The following FUOM variants were observed in gnomAD, a reference collection of about 807,000 sequenced individuals.
FUOM encodes protein fucU homolog.
A neutral mutation model predicts 18.3 loss-of-function variants in FUOM; 19 were observed. That is an observed-to-expected ratio of 1.04 (90% CI 0.73 to 1.53). The LOEUF (loss-of-function observed/expected upper bound fraction) is 1.53, where lower values mean the gene tolerates loss of function less well. FUOM is among the 40% of genes most tolerant of loss of function. The pLI is 0.00. For synonymous variants in FUOM, 102 were observed against 87.9 expected (o/e 1.16, Z -0.90); for missense variants, 210 against 200.9 (o/e 1.04, Z -0.27).
At chr10:133,353,900 A>G (rs564067758), downstream of FUOM, among the ~76,000 whole-genome samples, 1 of 151,318 alleles carries the variant, frequency 6.6e-6, no homozygotes, top group South Asian at 2.1e-4. Flanking sequence ...AGGCAGGTAG[A>G]AGACCCTGGA....
At chr10:133,357,844 G>T in intron 1 of FUOM, 79 bp downstream of exon 1, 1 of 1,264,624 alleles carries the variant, frequency 7.9e-7, no homozygotes, top group African/African-American at 1.6e-5. Flanking sequence ...GGCCCTTCCC[G>T]GCCCGGGGGT....
At chr10:133,357,304 G>A (rs770934074) in intron 1 of FUOM, 49 bp from the exon 2 acceptor site, 10 of 1,535,404 alleles carry the variant, frequency 6.5e-6, no homozygotes, top group South Asian at 1.2e-5. Context: ...CCTGCCCTCG[G>A]GGTCGGCGCC....
chr10:133,354,368 A>C (rs1848729898), downstream of FUOM, among the ~76,000 whole-genome samples: 1 of 152,154 alleles, frequency 6.6e-6, no homozygotes, highest in African/African-American at 2.4e-5. Context: ...GCCACATCTC[A>C]GCCGGGGTGG....
In FUOM at chr10:133,355,166, T is replaced by C. The variant is rs1263914286; in HGVS notation, c.*204A>G. 14 of 617,186 alleles carry C rather than the reference T, an allele frequency of 2.3e-5. No homozygotes were observed. The highest frequency in any genetic ancestry group is 1.8e-4 in the Admixed American group (6 of 33,826). The allele number at this position is 617,186 out of a possible 1,614,324, so 38.2% of individuals were successfully genotyped here. A position where few individuals can be genotyped will look rare whatever the true frequency, so the allele number is the denominator to read the frequency against. ...TGAGAACAGAGCTGGAATTGGACTC[T>C]TGAGACTGAACGTTTTTCCATCATT... On this transcript the variant is annotated 3_prime_UTR_variant, in exon 6 of 6. Transcript: ENST00000278025.
chr10:133,355,857 C>A, intron 4 of FUOM, 46 bp from the exon 5 acceptor site: 1 of 1,512,396 alleles, frequency 6.6e-7, no homozygotes, highest in African/African-American at 1.4e-5. Context: ...GCCAAGAAAC[C>A]CTCATGGGCC....
At position 133,358,016 on chromosome 10, in the gene FUOM, A is replaced by G; in HGVS notation, c.-9T>C. ...CCCTTCAGCGCCACCATGGCCCGGC[A>G]GACGGGGCGGGCGGGGCCTAGGGGC... On this transcript the variant is annotated 5_prime_UTR_variant, in exon 1 of 6. Coordinates refer to ENST00000278025, the MANE Select transcript of FUOM (RefSeq NM_001098483.3). The G allele has an allele frequency of 3.4e-6, 5 of 1,480,890 alleles. No homozygotes were observed. The highest frequency in any genetic ancestry group is 4.5e-6 in the Non-Finnish European group (5 of 1,117,768). The allele number at this position is 1,480,890 out of a possible 1,614,324, so 91.7% of individuals were successfully genotyped here. A position where few individuals can be genotyped will look rare whatever the true frequency, so the allele number is the denominator to read the frequency against.
intron 5 of FUOM, 79 bp downstream of exon 5, chr10:133,355,659 T>C: frequency 6.4e-7 from 1 of 1,553,112 alleles, no homozygotes; most frequent in Non-Finnish European, 8.9e-7. Flanking sequence ...GGGCAGCTCC[T>C]GAGGCCCCCC....
chr10:133,357,691 C>A, intron 1 of FUOM: 1 of 521,220 alleles, frequency 1.9e-6, no homozygotes, highest in Non-Finnish European at 3.4e-6. Flanking sequence ...GGCTCTCGGG[C>A]CGTCTGGGGA....
At chr10:133,353,204 C>A (rs1222498347), downstream of FUOM, among the ~76,000 whole-genome samples, 1 of 152,182 alleles carries the variant, frequency 6.6e-6, no homozygotes, top group African/African-American at 2.4e-5. Flanking sequence ...GTGCACAGGT[C>A]TCAGGTGAGG....
chr10:133,355,553 G>A, intron 5 of FUOM, 117 bp from the exon 6 acceptor site: 1 of 1,609,584 alleles, frequency 6.2e-7, no homozygotes, highest in Non-Finnish European at 8.5e-7. Flanking sequence ...TTGATGCTCA[G>A]GCAAATGGGG....
chr10:133,354,912 C>T (rs1228617712), downstream of FUOM, among the ~76,000 whole-genome samples: 2 of 152,146 alleles, frequency 1.3e-5, no homozygotes, highest in Admixed American at 6.5e-5. Flanking sequence ...GGTGAAGAAC[C>T]CCCTTGGTGT....
intron 4 of FUOM, 51 bp from the exon 5 acceptor site, chr10:133,355,862 T>C (rs781707474): frequency 2.0e-6 from 3 of 1,492,336 alleles, no homozygotes; most frequent in Admixed American, 1.7e-5. Context: ...GAAACCCTCA[T>C]GGGCCAGCCC....
intron 1 of FUOM, chr10:133,357,591 C>T: frequency 2.0e-6 from 1 of 489,478 alleles, no homozygotes; most frequent in Non-Finnish European, 3.6e-6. Flanking sequence ...ATGCCCGGAC[C>T]AGGCCCCCGG....
chr10:133,357,391 C>T, intron 1 of FUOM, 136 bp from the exon 2 acceptor site: 1 of 840,556 alleles, frequency 1.2e-6, no homozygotes, highest in South Asian at 1.6e-5. Flanking sequence ...GGCGCCCCCA[C>T]CGCCGACCGG....
intron 4 of FUOM, among the ~76,000 whole-genome samples, chr10:133,356,406 G>C (rs1848798657): frequency 1.3e-5 from 2 of 152,222 alleles, no homozygotes; most frequent in Non-Finnish European, 2.9e-5. Context: ...TCAGGATCCT[G>C]GGCGGGGCAG....
intron 2 of FUOM, 45 bp downstream of exon 2, chr10:133,357,142 C>A: frequency 6.5e-7 from 1 of 1,547,162 alleles, no homozygotes; most frequent in Non-Finnish European, 8.7e-7. Flanking sequence ...CCAGGAGCAC[C>A]GCTCACCCGC....
chr10:133,357,144 C>T, intron 2 of FUOM, 43 bp downstream of exon 2: 3 of 1,548,592 alleles, frequency 1.9e-6, no homozygotes, highest in Non-Finnish European at 2.6e-6. Flanking sequence ...AGGAGCACCG[C>T]TCACCCGCCC....
At chr10:133,353,312 G>T (rs573542187), downstream of FUOM, among the ~76,000 whole-genome samples, 2 of 152,342 alleles carry the variant, frequency 1.3e-5, no homozygotes, top group East Asian at 1.9e-4. Flanking sequence ...GGCCCAGCAG[G>T]CCCAATGCTG....
chr10:133,357,534 G>A (rs990392546), intron 1 of FUOM: 7 of 523,146 alleles, frequency 1.3e-5, no homozygotes, highest in African/African-American at 2.0e-5. Flanking sequence ...GGGCCGACCC[G>A]GACCCGGCCG....
Sources: gnomAD v4.1 joint callset for allele counts (sites outside exome capture counted in the v4.1 genomes callset) on GRCh38, gnomAD v4.1.1 for gene constraint, MANE v1.5 for transcripts, NCBI Gene and HGNC (gene_info 2026-07-23, HGNC 2026-07-21) for gene names.